ST18: variants seen among roughly 807,000 people sequenced by gnomAD.
ST18 encodes ST18 C2H2C-type zinc finger transcription factor.
Under a neutral mutation model 110.0 loss-of-function variants are expected in ST18, and 50 were observed. The observed-to-expected ratio is 0.45, with a 90% CI of 0.36 to 0.58. The LOEUF (loss-of-function observed/expected upper bound fraction) is 0.58. Ranked by LOEUF, ST18 falls within the 20% of genes least tolerant of loss-of-function variation. The probability of loss-of-function intolerance (pLI) is 0.00; values close to 1 mark genes in which losing one functional copy is unlikely to be tolerated. For missense variants in ST18, 1,306 were observed against 1,280.1 expected (o/e 1.02, Z -0.31); for synonymous variants, 461 against 452.4 (o/e 1.02, Z -0.24).
At chr8:52,145,202 A>G (rs1350531637) in intron 16 of ST18, among the ~76,000 whole-genome samples, 1 of 152,150 alleles carries the variant, frequency 6.6e-6, no homozygotes, top group African/African-American at 2.4e-5. Context: ...GGCTGAATCT[A>G]TAATTATGGA....
At chr8:52,388,832 G>GT (rs1838020499) in intron 2 of ST18, among the ~76,000 whole-genome samples, 1 of 123,878 alleles carries the variant, frequency 8.1e-6, no homozygotes, top group African/African-American at 3.0e-5. Context: ...GGGGGAGGGG[G>GT]GAGGGATAGC....
At chr8:52,228,926 T>C (rs1408090578) in intron 3 of ST18, among the ~76,000 whole-genome samples, 2 of 152,162 alleles carry the variant, frequency 1.3e-5, no homozygotes, top group East Asian at 1.9e-4. Flanking sequence ...CAATAAAGCA[T>C]GTACTCATTT....
intron 2 of ST18, among the ~76,000 whole-genome samples, chr8:52,318,661 G>C (rs1242762545): frequency 6.6e-6 from 1 of 152,112 alleles, no homozygotes; most frequent in Admixed American, 6.5e-5. Flanking sequence ...GCCCATCAAT[G>C]ATAAGATGGG....
At chr8:52,292,469 T>C (rs1314189646) in intron 2 of ST18, among the ~76,000 whole-genome samples, 1 of 152,238 alleles carries the variant, frequency 6.6e-6, no homozygotes, top group African/African-American at 2.4e-5. Flanking sequence ...GATGTGATGA[T>C]ACTAGAAGAT....
At chr8:52,137,584 A>G (rs549888993) in intron 17 of ST18, 101 bp from the exon 18 acceptor site, 1 of 1,131,034 alleles carries the variant, frequency 8.8e-7, no homozygotes, top group Non-Finnish European at 1.3e-6. Context: ...TGTGCGAGAT[A>G]AGTTAACACA....
intron 2 of ST18, among the ~76,000 whole-genome samples, chr8:52,396,643 G>A (rs925860772): frequency 6.6e-6 from 1 of 152,142 alleles, no homozygotes; most frequent in Non-Finnish European, 1.5e-5. Flanking sequence ...CAAGGTGGCA[G>A]GAGAGAGAAG....
chr8:52,256,882 T>C (rs953102869), intron 2 of ST18, among the ~76,000 whole-genome samples: 2 of 152,164 alleles, frequency 1.3e-5, no homozygotes, highest in African/African-American at 4.8e-5. Context: ...GTTAGCAAGA[T>C]TTTAGAACAT....
chr8:52,165,094 A>G (rs1056532853), intron 12 of ST18, 41 bp downstream of exon 12: 9 of 1,602,404 alleles, frequency 5.6e-6, no homozygotes, highest in Non-Finnish European at 6.0e-6. Context: ...TTTCTACCAC[A>G]TTTTTTAAAT....
intron 2 of ST18, among the ~76,000 whole-genome samples, chr8:52,366,920 T>C (rs913903706): frequency 2.6e-5 from 4 of 152,138 alleles, no homozygotes; most frequent in African/African-American, 9.7e-5. Context: ...AATGAACTGA[T>C]TGATTAAACA....
chr8:52,190,626 G>A (rs116619590), intron 8 of ST18, among the ~76,000 whole-genome samples: 1 of 152,208 alleles, frequency 6.6e-6, no homozygotes, highest in Non-Finnish European at 1.5e-5. Flanking sequence ...GCAGAACCAA[G>A]AGTAGTTAGC....
At chr8:52,367,162 G>T (rs1037383271) in intron 2 of ST18, among the ~76,000 whole-genome samples, 1 of 151,656 alleles carries the variant, frequency 6.6e-6, no homozygotes, top group South Asian at 2.1e-4. Context: ...AATCCGGGAG[G>T]TAGAGGCGGA....
intron 25 of ST18, among the ~76,000 whole-genome samples, chr8:52,113,957 T>TTTTTG (rs2041460939): frequency 2.5e-5 from 1 of 39,952 alleles, no homozygotes; most frequent in Non-Finnish European, 3.9e-5. Context: ...ATACCGTGTT[T>TTTTTG]TTTTTTTTTT....
intron 2 of ST18, among the ~76,000 whole-genome samples, chr8:52,359,057 C>CA (rs754042578): frequency 1.3e-5 from 2 of 151,042 alleles, no homozygotes; most frequent in South Asian, 4.2e-4. Context: ...CCCAGGAATG[C>CA]AAAAAATGGC....
In ST18 at chr8:52,165,989, A is replaced by G. The variant is rs77087025; in HGVS notation, c.1205-764T>C. ...CGGGGCTGAGGGTGGAGAGGGGGCC[A>G]AGGCTTGCTCCTACTCAGGGCCCTC... is the stretch of plus-strand genomic sequence containing the variant. On this transcript the variant is annotated intron_variant, in intron 11 of 25. Coordinates refer to ENST00000689386, the MANE Select transcript of ST18 (RefSeq NM_001352837.2). Among the ~76,000 whole-genome samples the G allele has an allele frequency of 3.5e-3, 526 of 152,284 alleles. 3 individuals are homozygous for G. The highest frequency in any genetic ancestry group is 0.02 in the Middle Eastern group (6 of 294).
At chr8:52,209,948 A>ATT (rs778890598) in intron 8 of ST18, 1 of 381,284 alleles carries the variant, frequency 2.6e-6, no homozygotes, top group Non-Finnish European at 5.2e-6. Flanking sequence ...TATGAATTAT[A>ATT]TTTCTCTTCT....
intron 8 of ST18, chr8:52,201,029 A>G (rs1327908352): frequency 6.6e-6 from 1 of 152,306 alleles, no homozygotes; most frequent in African/African-American, 2.4e-5. Flanking sequence ...GAGATCACCA[A>G]AAGATCACCA....
In ST18 at chr8:52,113,189, G is replaced by A. The variant is rs1299734830; in HGVS notation, c.*9C>T. 1 of 1,613,492 alleles carries A rather than the reference G, an allele frequency of 6.2e-7. No individual in the cohort carries two copies. The highest frequency in any genetic ancestry group is 1.1e-5 in the South Asian group (1 of 91,006). Reference sequence around the variant, plus strand: ...TTGGTAACTTCTGTTGCCCGGCAGCGCTGTGATCCTACACATGGATACCCT... The same window carrying A: ...TTGGTAACTTCTGTTGCCCGGCAGCACTGTGATCCTACACATGGATACCCT... On this transcript the variant is annotated 3_prime_UTR_variant, in exon 26 of 26. Coordinates refer to ENST00000689386, the MANE Select transcript of ST18 (RefSeq NM_001352837.2).
intron 22 of ST18, among the ~76,000 whole-genome samples, chr8:52,130,124 AAAGAAAG>A (rs2048822987): frequency 1.4e-3 from 147 of 104,680 alleles, no homozygotes; most frequent in Non-Finnish European, 2.4e-3. Flanking sequence ...GAAAGAAAAG[AAAGAAAG>A]AAAGAAAGAA....
rs549947896 is a variant in ST18 at position 52,214,051 on chromosome 8, C to T, written c.55+152G>A. On this transcript the variant is annotated intron_variant, in intron 7 of 25. Transcript: ENST00000689386. ...CCTCGTTCATAATATTTTGCCTCTC[C>T]GTGCCAAGAGCCAGTGTCCTGGCTT... is the stretch of plus-strand genomic sequence containing the variant. 54 of 745,644 alleles carry T rather than the reference C, an allele frequency of 7.2e-5. 1 individual carries two copies. The highest frequency in any genetic ancestry group is 2.4e-4 in the East Asian group (9 of 38,190). 46.2% of individuals were successfully genotyped at this position (745,644 alleles called of 1,614,324 possible).
Sources: gnomAD v4.1 joint callset for allele counts (sites outside exome capture counted in the v4.1 genomes callset) on GRCh38, gnomAD v4.1.1 for gene constraint, MANE v1.5 for transcripts, NCBI Gene and HGNC (gene_info 2026-07-23, HGNC 2026-07-21) for gene names.